ZNF625: variants seen among roughly 807,000 people sequenced by gnomAD.
ZNF625 encodes zinc finger protein 625.
Under a neutral mutation model 11.1 loss-of-function variants are expected in ZNF625, and 8 were observed. The observed-to-expected ratio is 0.72, with a 90% CI of 0.42 to 1.30. ZNF625 has a LOEUF of 1.30. ZNF625 is among the 50% of genes most tolerant of loss of function. ZNF625 has a pLI of 0.01. For synonymous variants in ZNF625, 145 were observed against 153.4 expected (o/e 0.95, Z 0.41); for missense variants, 349 against 447.6 (o/e 0.78, Z 1.99).
chr19:12,148,792 TG>T (rs1184305847), intron 1 of ZNF625, among the ~76,000 whole-genome samples: 1 of 151,624 alleles, frequency 6.6e-6, no homozygotes, highest in Non-Finnish European at 1.5e-5. Flanking sequence ...GGCTAATTTT[TG>T]TATTTTTTTT....
chr19:12,151,204 C>CTT (rs573002649), intron 1 of ZNF625, among the ~76,000 whole-genome samples: 6 of 133,968 alleles, frequency 4.5e-5, no homozygotes, highest in Admixed American at 7.5e-5. Flanking sequence ...TCTTGTATTT[C>CTT]TTTTTTTTTT....
intron 1 of ZNF625, among the ~76,000 whole-genome samples, chr19:12,151,498 A>G (rs1297975859): frequency 6.7e-6 from 1 of 149,928 alleles, no homozygotes; most frequent in Non-Finnish European, 1.5e-5. Context: ...CTCCTGCCTC[A>G]GCCTCCCGAG....
intron 1 of ZNF625, among the ~76,000 whole-genome samples, chr19:12,149,588 T>C (rs1428211409): frequency 2.0e-5 from 3 of 152,130 alleles, no homozygotes; most frequent in African/African-American, 7.2e-5. Context: ...TTAAGTTTTT[T>C]ACTTTATAAT....
chr19:12,154,269 T>A (rs961518283), intron 1 of ZNF625, among the ~76,000 whole-genome samples: 1 of 152,148 alleles, frequency 6.6e-6, no homozygotes, highest in African/African-American at 2.4e-5. Context: ...AATTTGATAA[T>A]GGCTCACTGC....
intron 1 of ZNF625, among the ~76,000 whole-genome samples, chr19:12,151,042 A>G (rs1487770833): frequency 6.6e-6 from 1 of 151,924 alleles, no homozygotes; most frequent in Non-Finnish European, 1.5e-5. Context: ...CCAGGTGTAG[A>G]ATTTTCAAGT....
intron 1 of ZNF625, among the ~76,000 whole-genome samples, chr19:12,153,091 C>A (rs915864147): frequency 6.6e-6 from 1 of 152,000 alleles, no homozygotes; most frequent in Non-Finnish European, 1.5e-5. Flanking sequence ...CGGTGGCTCA[C>A]GCCTGTAATC....
intron 1 of ZNF625, among the ~76,000 whole-genome samples, chr19:12,150,589 C>T (rs1976941262): frequency 6.6e-6 from 1 of 152,160 alleles, no homozygotes; most frequent in Non-Finnish European, 1.5e-5. Flanking sequence ...AATCTCTCTC[C>T]CATATTACAG....
rs1976865606 is a variant in ZNF625 at position 12,145,987 on chromosome 19, G to A, written c.429C>T (p.Ala143=). 1 of 1,614,172 alleles carries A rather than the reference G, an allele frequency of 6.2e-7. No individual in the cohort carries two copies. Among genetic ancestry groups the A allele is most frequent in the Middle Eastern group, 1.6e-4 (1 of 6,062 alleles). Residue 143 remains alanine (A), a synonymous_variant, in exon 4 of 4, where the codon GCC becomes GCT. Coordinates refer to ENST00000439556, the MANE Select transcript of ZNF625 (RefSeq NM_145233.4). ...KPYKCTYCKK[A]FSDLPYFRTH... is the part of the protein sequence containing the mutation. Reference sequence around the variant, plus strand: ...TTCGAAAGTAGGGGAGATCACTGAAGGCTTTCTTACAGTATGTACATTTAT... The same window carrying A: ...TTCGAAAGTAGGGGAGATCACTGAAAGCTTTCTTACAGTATGTACATTTAT...
At chr19:12,146,776 T>C (rs1208955535) in intron 3 of ZNF625, among the ~76,000 whole-genome samples, 1 of 152,144 alleles carries the variant, frequency 6.6e-6, no homozygotes, top group East Asian at 1.9e-4. Context: ...TAACTGTCTT[T>C]GTCAATTTTA....
chr19:12,153,866 G>C (rs1394815877), intron 1 of ZNF625, among the ~76,000 whole-genome samples: 1 of 139,700 alleles, frequency 7.2e-6, no homozygotes, highest in East Asian at 2.1e-4. Context: ...GGAGTGCAGT[G>C]GGGTGATCTC....
intron 2 of ZNF625, 36 bp downstream of exon 2, chr19:12,147,640 C>G (rs1976895855): frequency 6.2e-7 from 1 of 1,613,350 alleles, no homozygotes; most frequent in Non-Finnish European, 8.5e-7. Flanking sequence ...CACTTGTTCT[C>G]TAATTCACTG....
chr19:12,147,464 C>A lies in ZNF625; in HGVS notation c.131-9G>T. 1 of 1,528,710 alleles carries A rather than the reference C, an allele frequency of 6.5e-7. No homozygotes were observed. The highest frequency in any genetic ancestry group is 2.4e-5 in the East Asian group (1 of 40,826). 94.7% of individuals were successfully genotyped at this position (1,528,710 alleles called of 1,614,324 possible). A position where few individuals can be genotyped will look rare whatever the true frequency, so the allele number is the denominator to read the frequency against. On this transcript the variant is annotated splice_polypyrimidine_tract_variant and intron_variant, in intron 2 of 3. Transcript: ENST00000439556. The stretch of plus-strand genomic sequence containing the variant: ...ATCTTTCCATTTTTTTCCTAAAATA[C>A]AGAACCAGAAAAATAGTCCTGAATT...
chr19:12,146,066 C>G lies in ZNF625; in HGVS notation c.350G>C (p.Arg117Thr), dbSNP rs1212701475. 3 of 1,613,992 alleles carry G rather than the reference C, an allele frequency of 1.9e-6. No individual in the cohort carries two copies. The highest frequency in any genetic ancestry group is 1.7e-6 in the Non-Finnish European group (2 of 1,180,038). Residue 117 changes from arginine to threonine, a missense_variant, in exon 4 of 4, where the codon AGA becomes ACA. Physicochemically the swap from Arg to Thr is moderately conservative, Grantham distance 71 (BLOSUM62 -1). Transcript: ENST00000439556. ...ATATGGCTTGTGTCCAGTGTCAGCT[C>G]TGTGGTGCCTATTAAGGGATGCATG... ...VGHASLNRHH[R>T]ADTGHKPYEY...
In ZNF625 at chr19:12,145,939, C is replaced by A; in HGVS notation, c.477G>T (p.Gly159=). The A allele has an allele frequency of 1.2e-6, 2 of 1,614,068 alleles. No individual in the cohort carries two copies. The highest frequency in any genetic ancestry group is 2.2e-5 in the South Asian group (2 of 91,074). ...YFRTHEWAHT[G]GKPYDCEECG... is the part of the protein sequence containing the mutation. Reference sequence around the variant, plus strand: ...ATTCCTCACAATCATAAGGTTTCCCCCCAGTGTGAGCCCATTCATGTGTTC... The same window carrying A: ...ATTCCTCACAATCATAAGGTTTCCCACCAGTGTGAGCCCATTCATGTGTTC... Residue 159 remains glycine (G), a synonymous_variant, in exon 4 of 4, where the codon GGG becomes GGT. Transcript: ENST00000439556.
chr19:12,153,119 C>T (rs1340861389), intron 1 of ZNF625, among the ~76,000 whole-genome samples: 4 of 151,922 alleles, frequency 2.6e-5, no homozygotes, highest in African/African-American at 7.2e-5. Flanking sequence ...TTTGGGAGGC[C>T]GAGGTGGGTG....
intron 1 of ZNF625, 146 bp from the exon 2 acceptor site, chr19:12,147,948 A>C: frequency 1.1e-6 from 1 of 889,362 alleles, no homozygotes; most frequent in Non-Finnish European, 1.6e-6. Flanking sequence ...CTCTGTCAAC[A>C]CTCACTCTTC....
intron 1 of ZNF625, among the ~76,000 whole-genome samples, chr19:12,153,830 C>T (rs62109830): frequency 0.13 from 14,697 of 110,330 alleles, 1,128 homozygotes; most frequent in Non-Finnish European, 0.18. Flanking sequence ...TTTTTTGAGA[C>T]GGAGTCTTGC....
Position 12,145,873 on chromosome 19 carries a change from G to C in ZNF625, c.543C>G (p.His181Gln), listed in dbSNP as rs372458765. ...SFISRSSIRRHRIMHSGDGPY... is the reference protein window; with the variant it reads ...SFISRSSIRRQRIMHSGDGPY... ...GTCCATCTCCACTGTGCATTATCCT[G>C]TGTCTTCGAATGCTTGAACGGGAAA... Residue 181 changes from histidine to glutamine, a missense_variant, in exon 4 of 4, where the codon CAC becomes CAG. Physicochemically the swap from His to Gln is conservative, Grantham distance 24. Coordinates refer to ENST00000439556, the MANE Select transcript of ZNF625 (RefSeq NM_145233.4). 1 of 1,614,122 alleles carries C rather than the reference G, an allele frequency of 6.2e-7. No homozygotes were observed.
intron 1 of ZNF625, among the ~76,000 whole-genome samples, chr19:12,151,204 C>CT (rs573002649): frequency 0.011 from 1,488 of 133,936 alleles, 15 homozygotes; most frequent in African/African-American, 0.033. Context: ...TCTTGTATTT[C>CT]TTTTTTTTTT....
Sources: gnomAD v4.1 joint callset for allele counts (sites outside exome capture counted in the v4.1 genomes callset) on GRCh38, gnomAD v4.1.1 for gene constraint, MANE v1.5 for transcripts, NCBI Gene and HGNC (gene_info 2026-07-23, HGNC 2026-07-21) for gene names.